Variants in FHOD3 observed in about 807,000 individuals in gnomAD.
FHOD3 encodes the protein FH1/FH2 domain-containing protein 3.
A neutral mutation model predicts 173.0 loss-of-function variants in FHOD3; 90 were observed. The observed-to-expected ratio is 0.52, with a 90% confidence interval of 0.44 to 0.62. FHOD3 has a LOEUF of 0.62. Among genes scored for constraint, FHOD3 ranks in the 20% least tolerant of loss-of-function variants. The pLI is 0.00. For missense variants in FHOD3, 1,945 were observed against 2,034.7 expected, an observed-to-expected ratio of 0.96 and a Z score of 0.85; for synonymous variants, 828 against 823.0, an observed-to-expected ratio of 1.01 and a Z score of -0.10.
chr18:36,329,190 T>TCACA (rs2044844525), intron 1 of FHOD3, among the ~76,000 whole-genome samples: 1 of 151,960 alleles, frequency 6.6e-6, no homozygotes, highest in African/African-American at 2.4e-5. Context: ...AACCCTGGAG[T>TCACA]GCAACACCAG....
At chr18:36,464,235 T>G (rs897938213) in intron 3 of FHOD3, among the ~76,000 whole-genome samples, 1 of 152,216 alleles carries the variant, frequency 6.6e-6, no homozygotes, top group East Asian at 1.9e-4. Context: ...TGCATGCCTC[T>G]CTGATAAAAG....
At chr18:36,551,664 A>G (rs2057662938) in intron 5 of FHOD3, among the ~76,000 whole-genome samples, 1 of 152,114 alleles carries the variant, frequency 6.6e-6, no homozygotes, top group Admixed American at 6.6e-5. Flanking sequence ...ACCTTGAATG[A>G]ATTTTTGTAT....
intron 26 of FHOD3, 107 bp from the exon 27 acceptor site, chr18:36,760,501 A>G: frequency 2.8e-6 from 3 of 1,086,794 alleles, no homozygotes; most frequent in Non-Finnish European, 3.8e-6. Context: ...GTCTGCAAAC[A>G]AAACAAGACA....
chr18:36,661,810 T>C (rs1048863315), intron 14 of FHOD3, among the ~76,000 whole-genome samples: 4 of 152,216 alleles, frequency 2.6e-5, no homozygotes, highest in Non-Finnish European at 2.9e-5. Context: ...TCCATCTCCA[T>C]ATCTCCTATT....
intron 16 of FHOD3, among the ~76,000 whole-genome samples, chr18:36,690,289 C>G (rs1019760823): frequency 2.6e-5 from 4 of 151,986 alleles, no homozygotes; most frequent in African/African-American, 9.7e-5. Context: ...AGAGGATAAA[C>G]GGGAATGTTT....
intron 3 of FHOD3, among the ~76,000 whole-genome samples, chr18:36,501,084 T>C (rs1329779875): frequency 2.6e-5 from 4 of 152,184 alleles, no homozygotes; most frequent in African/African-American, 9.7e-5. Context: ...GGATGGGCCC[T>C]GTATTAAGCT....
chr18:36,385,604 C>T (rs2047992853), intron 3 of FHOD3, among the ~76,000 whole-genome samples: 1 of 152,174 alleles, frequency 6.6e-6, no homozygotes, highest in Non-Finnish European at 1.5e-5. Context: ...ACCATATTGA[C>T]CAGGCTAGAC....
chr18:36,580,225 T>C (rs577946199), intron 6 of FHOD3, among the ~76,000 whole-genome samples: 8 of 152,364 alleles, frequency 5.3e-5, no homozygotes, highest in Admixed American at 2.6e-4. Flanking sequence ...TTCAGGACTC[T>C]GGGCTGCCTC....
chr18:36,423,222 C>G (rs1568251787), intron 3 of FHOD3, among the ~76,000 whole-genome samples: 3 of 152,138 alleles, frequency 2.0e-5, no homozygotes, highest in African/African-American at 7.2e-5. Flanking sequence ...GCAATATACA[C>G]TTACGATTTT....
chr18:36,658,032 T>TCTCTATCC, intron 13 of FHOD3, 43 bp from the exon 14 acceptor site: 1 of 1,415,580 alleles, frequency 7.1e-7, no homozygotes, highest in Non-Finnish European at 9.9e-7. Flanking sequence ...TGTACTTATT[T>TCTCTATCC]CTCTATCCTT....
chr18:36,494,040 T>A (rs560714554), intron 3 of FHOD3, among the ~76,000 whole-genome samples: 1 of 152,340 alleles, frequency 6.6e-6, no homozygotes, highest in Non-Finnish European at 1.5e-5. Flanking sequence ...GGGATTTTTG[T>A]TCCTCCCCCT....
chr18:36,346,437 C>T (rs905101633), intron 1 of FHOD3, among the ~76,000 whole-genome samples: 1 of 152,190 alleles, frequency 6.6e-6, no homozygotes, highest in African/African-American at 2.4e-5. Context: ...CCCCAAACAG[C>T]TATTAGGCCA....
chr18:36,418,880 C>T (rs2049826098), intron 3 of FHOD3, among the ~76,000 whole-genome samples: 1 of 152,088 alleles, frequency 6.6e-6, no homozygotes, highest in African/African-American at 2.4e-5. Context: ...CGCCATTGCA[C>T]TCCAGCCTGG....
At chr18:36,638,959 C>T (rs2035085691) in intron 10 of FHOD3, among the ~76,000 whole-genome samples, 1 of 152,214 alleles carries the variant, frequency 6.6e-6, no homozygotes, top group South Asian at 2.1e-4. Context: ...CTCATGTCCA[C>T]ACAACTGGAT....
intron 3 of FHOD3, among the ~76,000 whole-genome samples, chr18:36,425,292 C>CA (rs1025970886): frequency 3.3e-5 from 5 of 152,026 alleles, no homozygotes; most frequent in Non-Finnish European, 4.4e-5. Context: ...ACATAGTATC[C>CA]AAGGATTCAG....
At chr18:36,735,036 C>T (rs1275937483) in intron 20 of FHOD3, among the ~76,000 whole-genome samples, 1 of 152,080 alleles carries the variant, frequency 6.6e-6, no homozygotes, top group Admixed American at 6.6e-5. Context: ...AATGATATTT[C>T]CCCAAGTAAA....
At chr18:36,751,168 G>A (rs1393970709) in intron 24 of FHOD3, among the ~76,000 whole-genome samples, 2 of 152,122 alleles carry the variant, frequency 1.3e-5, no homozygotes, top group African/African-American at 2.4e-5. Context: ...GCAGTGTTTT[G>A]TAATTCTCAT....
chr18:36,704,758 A>G (rs752985941), intron 17 of FHOD3, among the ~76,000 whole-genome samples: 42 of 152,152 alleles, frequency 2.8e-4, no homozygotes, highest in Non-Finnish European at 5.1e-4. Flanking sequence ...TTCGGAAGGC[A>G]GTTCCTGTGA....
intron 3 of FHOD3, among the ~76,000 whole-genome samples, chr18:36,403,789 T>G (rs1381193563): frequency 6.6e-6 from 1 of 152,350 alleles, no homozygotes; most frequent in Admixed American, 6.5e-5. Context: ...TAAAAAGAAC[T>G]GGTGCCTGGA....
Sources: gnomAD v4.1 joint callset for allele counts (sites outside exome capture counted in the v4.1 genomes callset) on GRCh38, gnomAD v4.1.1 for gene constraint, MANE v1.5 for transcripts, NCBI Gene and HGNC (gene_info 2026-07-23, HGNC 2026-07-21) for gene names.